The following PLCG2 variants were observed in gnomAD, a reference collection of about 807,000 sequenced individuals.
The protein encoded by PLCG2 is phospholipase C gamma 2.
Under a neutral mutation model 175.6 loss-of-function variants are expected in PLCG2, and 69 were observed. The ratio of observed to expected loss-of-function variants is 0.39; its 90% confidence interval spans 0.32 to 0.48. PLCG2 has a LOEUF of 0.48. Ranked by LOEUF, PLCG2 falls within the 20% of genes least tolerant of loss-of-function variation. PLCG2 has a pLI of 0.91. For missense variants in PLCG2, 1,798 were observed against 1,650.9 expected (o/e 1.09, Z -1.54); for synonymous variants, 827 against 624.0 (o/e 1.33, Z -4.85).
rs778864201 is a variant in PLCG2 at position 81,908,532 on chromosome 16, T to A, written c.1674T>A (p.Asp558Glu). ...ACTGCATGGAGACGGGGGGCAAGGATGGCACCTTCCTGGTTCGGGAGAGCG... is the reference window on the plus strand; with the variant it reads ...ACTGCATGGAGACGGGGGGCAAGGAAGGCACCTTCCTGGTTCGGGAGAGCG... ...QEYCMETGGKDGTFLVRESET... is the reference protein window; with the variant it reads ...QEYCMETGGKEGTFLVRESET... Residue 558 changes from aspartate to glutamate, a missense_variant, in exon 17 of 33, where the codon GAT becomes GAA. Physicochemically the swap from Asp to Glu is conservative, Grantham distance 45 (BLOSUM62 2). Coordinates refer to ENST00000564138, the MANE Select transcript of PLCG2 (RefSeq NM_002661.5). The A allele has an allele frequency of 4.8e-5, 77 of 1,613,592 alleles. No individual in the cohort carries two copies. Among genetic ancestry groups the A allele is most frequent in the Non-Finnish European group, 6.3e-5 (74 of 1,179,994 alleles).
At chr16:81,918,823 A>T (rs1909943779) in intron 19 of PLCG2, among the ~76,000 whole-genome samples, 1 of 152,226 alleles carries the variant, frequency 6.6e-6, no homozygotes, top group Non-Finnish European at 1.5e-5. Flanking sequence ...AAGCTAATAA[A>T]ACCAAGGAGG....
rs1447511992 is a variant in PLCG2, at chr16:81,927,072, TC to T, written c.2418-9del. On this transcript the variant is annotated splice_polypyrimidine_tract_variant and intron_variant, in intron 22 of 32. Transcript: ENST00000564138. ...GTGACAGCGCCCCCATGTCCTCTCT[TC>T]TTATCCAGGTGGAAAGGAGACTATG... The T allele has an allele frequency of 6.3e-7, 1 of 1,595,658 alleles. No individual in the cohort carries two copies. The highest frequency in any genetic ancestry group is 8.6e-7 in the Non-Finnish European group (1 of 1,163,208).
At chr16:81,862,222 G>T (rs1907018419) in intron 5 of PLCG2, among the ~76,000 whole-genome samples, 1 of 152,234 alleles carries the variant, frequency 6.6e-6, no homozygotes, top group Non-Finnish European at 1.5e-5. Flanking sequence ...GGCGAGAGGG[G>T]GCAGGCTCAG....
chr16:81,929,615 C>T (rs1910419341), intron 24 of PLCG2, among the ~76,000 whole-genome samples: 1 of 152,226 alleles, frequency 6.6e-6, no homozygotes, highest in African/African-American at 2.4e-5. Context: ...AGGCTGGTCT[C>T]AAACTGCTGA....
chr16:81,799,332 G>A (rs962245002), intron 2 of PLCG2, among the ~76,000 whole-genome samples: 59 of 152,000 alleles, frequency 3.9e-4, no homozygotes, highest in African/African-American at 1.3e-3. Flanking sequence ...CACAACATGC[G>A]ACCCTTTTGT....
intron 2 of PLCG2, among the ~76,000 whole-genome samples, chr16:81,843,853 T>A (rs1905963978): frequency 6.6e-6 from 1 of 152,276 alleles, no homozygotes; most frequent in African/African-American, 2.4e-5. Context: ...CCGGGTTTGA[T>A]GTGCCGTTGG....
At chr16:81,923,099 A>C (rs74029304) in intron 21 of PLCG2, among the ~76,000 whole-genome samples, 2,602 of 152,236 alleles carry the variant, frequency 0.017, 70 homozygotes, top group African/African-American at 0.06. Context: ...GTCTTGGCTT[A>C]ATCTAAAAGG....
chr16:81,941,698 T>TCC (rs201526187), intron 30 of PLCG2, among the ~76,000 whole-genome samples: 1 of 140,988 alleles, frequency 7.1e-6, no homozygotes, highest in Admixed American at 6.8e-5. Context: ...CACTGTAAAC[T>TCC]CCCCCTTTTT....
At chr16:81,875,381 G>A (rs1323662249) in intron 7 of PLCG2, among the ~76,000 whole-genome samples, 1 of 152,136 alleles carries the variant, frequency 6.6e-6, no homozygotes, top group East Asian at 1.9e-4. Context: ...CTTTGCTGAA[G>A]GCCTGTTTAC....
chr16:81,836,130 T>C (rs946475755), intron 2 of PLCG2, among the ~76,000 whole-genome samples: 1 of 152,090 alleles, frequency 6.6e-6, no homozygotes. Context: ...AAGACCAGAG[T>C]CATTTTCATC....
chr16:81,828,938 G>T (rs1454720208), intron 2 of PLCG2, among the ~76,000 whole-genome samples: 1 of 152,118 alleles, frequency 6.6e-6, no homozygotes, highest in East Asian at 1.9e-4. Context: ...TTTTACAGGA[G>T]ATCACAGAAT....
At chr16:81,826,737 G>A (rs1007293804) in intron 2 of PLCG2, among the ~76,000 whole-genome samples, 2 of 152,166 alleles carry the variant, frequency 1.3e-5, no homozygotes, top group Non-Finnish European at 1.5e-5. Flanking sequence ...CCATTTTATA[G>A]ATGGGGAAAC....
intron 2 of PLCG2, among the ~76,000 whole-genome samples, chr16:81,833,714 T>C (rs953525041): frequency 6.6e-6 from 1 of 151,518 alleles, no homozygotes; most frequent in Non-Finnish European, 1.5e-5. Context: ...ATATATTTTT[T>C]TGTAGAGGTG....
At chr16:81,741,633 A>T (rs1205373159) in intron 1 of PLCG2, among the ~76,000 whole-genome samples, 1 of 152,108 alleles carries the variant, frequency 6.6e-6, no homozygotes, top group Non-Finnish European at 1.5e-5. Flanking sequence ...AACATGGTGA[A>T]ACCCTGTCTC....
rs947189727 is a variant in PLCG2, at chr16:81,930,660, A to G, written c.2582-837A>G. Among the ~76,000 whole-genome samples, 13 of 151,090 alleles carry G rather than the reference A, an allele frequency of 8.6e-5. No individual in the cohort carries two copies. The East Asian group carries it at 2.5e-3, about 29-fold the overall frequency. ...CTACTAGGGAGGCTGAGGTGGGAGGATCGCATGAACTTGGAAGGTGGAGGC... is the reference window on the plus strand; with the variant it reads ...CTACTAGGGAGGCTGAGGTGGGAGGGTCGCATGAACTTGGAAGGTGGAGGC... On this transcript the variant is annotated intron_variant, in intron 24 of 32. Coordinates refer to ENST00000564138, the MANE Select transcript of PLCG2 (RefSeq NM_002661.5).
intron 28 of PLCG2, chr16:81,938,410 A>G (rs1910803701): frequency 4.4e-6 from 1 of 227,630 alleles, no homozygotes; most frequent in Non-Finnish European, 8.6e-6. Flanking sequence ...ACGTAAACAC[A>G]GGCCTTTAAA....
intron 13 of PLCG2, among the ~76,000 whole-genome samples, chr16:81,896,365 AACACACACACAC>A (rs57375866): frequency 0.089 from 10,805 of 120,880 alleles, 664 homozygotes; most frequent in African/African-American, 0.15. Flanking sequence ...TCTCTACCAA[AACACACACACAC>A]ACACACACAC....
intron 2 of PLCG2, among the ~76,000 whole-genome samples, chr16:81,849,762 A>C (rs985416877): frequency 6.1e-4 from 85 of 140,204 alleles, no homozygotes; most frequent in African/African-American, 2.0e-3. Context: ...CAAGAGCAAA[A>C]CTCTGTCTCA....
chr16:81,839,597 A>G (rs1299156665), intron 2 of PLCG2, among the ~76,000 whole-genome samples: 1 of 152,200 alleles, frequency 6.6e-6, no homozygotes, highest in African/African-American at 2.4e-5. Context: ...AATTTTATAT[A>G]GAAAAGAAAC....
Sources: gnomAD v4.1 joint callset for allele counts (sites outside exome capture counted in the v4.1 genomes callset) on GRCh38, gnomAD v4.1.1 for gene constraint, MANE v1.5 for transcripts, NCBI Gene and HGNC (gene_info 2026-07-23, HGNC 2026-07-21) for gene names.